Variants in CTNNA3 observed in about 807,000 individuals in gnomAD.
CTNNA3 encodes the protein catenin alpha-3.
CTNNA3 carries 76 observed loss-of-function variants against 95.7 expected under a neutral mutation model. The ratio of observed to expected loss-of-function variants is 0.79; its 90% confidence interval spans 0.66 to 0.96. CTNNA3 has a LOEUF of 0.96. Among genes scored for constraint, CTNNA3 ranks in the 40% least tolerant of loss-of-function variants. CTNNA3 has a pLI of 0.00. For missense variants in CTNNA3, 1,191 were observed against 1,089.8 expected, an observed-to-expected ratio of 1.09 and a Z score of -1.31; for synonymous variants, 431 against 374.4, an observed-to-expected ratio of 1.15 and a Z score of -1.74.
chr10:67,291,341 T>C (rs896769196), intron 5 of CTNNA3, among the ~76,000 whole-genome samples: 2 of 151,992 alleles, frequency 1.3e-5, no homozygotes, highest in African/African-American at 2.4e-5. Flanking sequence ...ACAGAAGAGA[T>C]AGTTAACCTA....
intron 14 of CTNNA3, among the ~76,000 whole-genome samples, chr10:66,072,153 G>GTCTATTTTACAT (rs1252768202): frequency 6.6e-6 from 1 of 152,092 alleles, no homozygotes; most frequent in East Asian, 1.9e-4. Context: ...ATTGAAATTT[G>GTCTATTTTACAT]AATTTTACAT....
At chr10:66,551,192 A>G (rs929457976) in intron 10 of CTNNA3, among the ~76,000 whole-genome samples, 4 of 151,932 alleles carry the variant, frequency 2.6e-5, no homozygotes, top group Admixed American at 2.0e-4. Flanking sequence ...ATTTTTCTCA[A>G]TTTTTATTTT....
chr10:67,738,477 C>A (rs575000115), intron 1 of CTNNA3, among the ~76,000 whole-genome samples: 1 of 152,250 alleles, frequency 6.6e-6, no homozygotes, highest in South Asian at 2.1e-4. Context: ...GATAAAACCA[C>A]AAAGATGGGG....
At chr10:67,136,760 C>A (rs1860324852) in intron 7 of CTNNA3, among the ~76,000 whole-genome samples, 1 of 152,130 alleles carries the variant, frequency 6.6e-6, no homozygotes, top group African/African-American at 2.4e-5. Context: ...ATGAACCCAG[C>A]ACAAGAAATC....
chr10:66,867,041 G>A (rs1238099661), intron 7 of CTNNA3, among the ~76,000 whole-genome samples: 1 of 152,088 alleles, frequency 6.6e-6, no homozygotes, highest in African/African-American at 2.4e-5. Context: ...CTTGTCTGCT[G>A]CCATGTAAGA....
At chr10:66,767,543 C>G (rs574895681) in intron 8 of CTNNA3, among the ~76,000 whole-genome samples, 138 of 151,684 alleles carry the variant, frequency 9.1e-4, no homozygotes, top group African/African-American at 2.8e-3. Context: ...GAGTCAAGAC[C>G]TTCATATAGT....
At position 66,022,540 on chromosome 10, in the gene CTNNA3, T is replaced by G. The variant is rs192540199; in HGVS notation, c.2160-33743A>C. Among the ~76,000 whole-genome samples, 64 of 152,090 alleles carry G rather than the reference T, an allele frequency of 4.2e-4. No individual in the cohort carries two copies. In the East Asian group the frequency reaches 0.012, roughly 29 times the overall value. ...TTACAGGCAAAGGGGAAAGAGGAAC[T>G]GCATGTGTCCTATATACACTTGCTT... is the stretch of plus-strand genomic sequence containing the variant. On this transcript the variant is annotated intron_variant, in intron 15 of 17. Coordinates refer to ENST00000433211, the MANE Select transcript of CTNNA3 (RefSeq NM_013266.4).
At chr10:66,116,329 T>G (rs1424043755) in intron 13 of CTNNA3, among the ~76,000 whole-genome samples, 1 of 152,146 alleles carries the variant, frequency 6.6e-6, no homozygotes, top group Non-Finnish European at 1.5e-5. Context: ...TCTTAACATA[T>G]TAAATATTAA....
At chr10:66,279,439 G>T (rs1373609648) in intron 13 of CTNNA3, among the ~76,000 whole-genome samples, 1 of 152,048 alleles carries the variant, frequency 6.6e-6, no homozygotes, top group Non-Finnish European at 1.5e-5. Flanking sequence ...CCCTGCCTGA[G>T]AATTACTTTC....
chr10:66,404,048 T>C (rs2093039079), intron 11 of CTNNA3, among the ~76,000 whole-genome samples: 1 of 152,146 alleles, frequency 6.6e-6, no homozygotes, highest in East Asian at 1.9e-4. Context: ...CAATTGCTCC[T>C]ACAGATAACA....
At chr10:66,935,400 A>T (rs1274237656) in intron 7 of CTNNA3, among the ~76,000 whole-genome samples, 1 of 152,114 alleles carries the variant, frequency 6.6e-6, no homozygotes, top group African/African-American at 2.4e-5. Flanking sequence ...CTTTGAGATT[A>T]GTGTTGGCAT....
intron 17 of CTNNA3, among the ~76,000 whole-genome samples, chr10:65,964,903 G>C (rs768782611): frequency 5.3e-5 from 8 of 151,754 alleles, no homozygotes; most frequent in Non-Finnish European, 7.4e-5. Context: ...TACATGCTGT[G>C]TGTATCTATA....
intron 14 of CTNNA3, among the ~76,000 whole-genome samples, chr10:66,089,807 A>C (rs1564632286): frequency 6.6e-6 from 1 of 151,756 alleles, no homozygotes; most frequent in African/African-American, 2.4e-5. Flanking sequence ...TAATAAAAAG[A>C]GCCAAGATTA....
intron 12 of CTNNA3, among the ~76,000 whole-genome samples, chr10:66,305,515 T>C (rs2091920776): frequency 1.3e-5 from 2 of 152,184 alleles, no homozygotes; most frequent in South Asian, 4.1e-4. Context: ...AAAATCCCCT[T>C]AAGCAAAATA....
chr10:67,143,354 G>A (rs1466030117), intron 7 of CTNNA3, among the ~76,000 whole-genome samples: 1 of 146,446 alleles, frequency 6.8e-6, no homozygotes, highest in Non-Finnish European at 1.5e-5. Context: ...CCCAGAAGGT[G>A]GAGGTTGTAG....
chr10:67,741,555 C>A (rs569899596), intron 1 of CTNNA3, among the ~76,000 whole-genome samples: 1 of 150,994 alleles, frequency 6.6e-6, no homozygotes, highest in African/African-American at 2.4e-5. Context: ...CAAAAACATG[C>A]CAAATTCTAA....
At chr10:66,250,311 A>G (rs965435363) in intron 13 of CTNNA3, among the ~76,000 whole-genome samples, 6 of 152,164 alleles carry the variant, frequency 3.9e-5, no homozygotes, top group Admixed American at 6.5e-5. Context: ...AGGATAGTTA[A>G]TGGGTACAAA....
intron 5 of CTNNA3, among the ~76,000 whole-genome samples, chr10:67,477,759 G>C (rs1291282073): frequency 6.6e-6 from 1 of 152,156 alleles, no homozygotes; most frequent in Non-Finnish European, 1.5e-5. Context: ...ACCAGCTAAA[G>C]AATTCTGGCA....
At chr10:67,039,729 C>A (rs1854279645) in intron 7 of CTNNA3, among the ~76,000 whole-genome samples, 1 of 152,072 alleles carries the variant, frequency 6.6e-6, no homozygotes, top group Non-Finnish European at 1.5e-5. Context: ...AAAAATGCAC[C>A]TGCAAAATCG....
Sources: allele counts gnomAD v4.1 joint callset (sites outside exome capture counted in the v4.1 genomes callset), GRCh38; gene constraint gnomAD v4.1.1; transcripts MANE v1.5; gene names NCBI Gene and HGNC (gene_info 2026-07-23, HGNC 2026-07-21).